DAPK1: variants seen among roughly 807,000 people sequenced by gnomAD.
The protein encoded by DAPK1 is death-associated protein kinase 1.
A neutral mutation model predicts 144.9 loss-of-function variants in DAPK1; 56 were observed. That is an observed-to-expected ratio of 0.39 (90% confidence interval 0.31 to 0.48). DAPK1 has a LOEUF of 0.48. Ranked by LOEUF, DAPK1 falls within the 20% of genes least tolerant of loss-of-function variation. DAPK1 has a pLI of 0.95. For missense variants in DAPK1, 1,454 were observed against 1,875.4 expected (o/e 0.78, Z 4.15); for synonymous variants, 690 against 749.0 (o/e 0.92, Z 1.29).
chr9:87,513,920 G>C lies in DAPK1; in HGVS notation c.62+14781G>C, dbSNP rs184183449. Among the ~76,000 whole-genome samples the C allele has an allele frequency of 9.0e-4, 137 of 152,298 alleles. 1 individual carries two copies. The Middle Eastern group carries it at 0.034, about 38-fold the overall frequency. ...TTTTCTGTTGTGGGGGCTGTCTTGTGCATTGTATTTTAGGATAGGATATTT... is the reference window on the plus strand; with the variant it reads ...TTTTCTGTTGTGGGGGCTGTCTTGTCCATTGTATTTTAGGATAGGATATTT... On this transcript the variant is annotated intron_variant, in intron 2 of 25. Transcript: ENST00000408954.
intron 3 of DAPK1, chr9:87,632,368 A>G: frequency 1.0e-6 from 1 of 984,250 alleles, no homozygotes. Flanking sequence ...ATGAAGGAGG[A>G]TGAGTGCATA....
rs1830244825 is a variant in DAPK1 at position 87,645,757 on chromosome 9, T to G, written c.1012-138T>G. 14 of 1,082,784 alleles carry G rather than the reference T, an allele frequency of 1.3e-5. No individual in the cohort carries two copies. The South Asian group carries it at 2.1e-4, about 16-fold the overall frequency. 67.1% of individuals were successfully genotyped at this position (1,082,784 alleles called of 1,614,324 possible). On this transcript the variant is annotated intron_variant, in intron 11 of 25. Coordinates refer to ENST00000408954, the MANE Select transcript of DAPK1 (RefSeq NM_004938.4). ...ATTCCTTCCTAGGTCCCTCCATGAC[T>G]GTATGGATTTGGGGAGTAAATGGCT...
chr9:87,539,277 G>A (rs1825960051), intron 2 of DAPK1, among the ~76,000 whole-genome samples: 1 of 151,876 alleles, frequency 6.6e-6, no homozygotes, highest in Non-Finnish European at 1.5e-5. Context: ...TTTAAGACAT[G>A]GGTTTTATGT....
chr9:87,623,646 G>A (rs906072563), intron 3 of DAPK1, among the ~76,000 whole-genome samples: 1 of 152,190 alleles, frequency 6.6e-6, no homozygotes. Flanking sequence ...TAGAGGGTGG[G>A]TTGGGAGTGG....
intron 23 of DAPK1, 135 bp downstream of exon 23, chr9:87,698,929 TC>T: frequency 3.3e-6 from 2 of 601,804 alleles, no homozygotes; most frequent in Non-Finnish European, 5.9e-6. Flanking sequence ...CTTGGTCAAC[TC>T]TTTTCTTGTA....
intron 3 of DAPK1, among the ~76,000 whole-genome samples, chr9:87,613,545 C>A (rs1828999283): frequency 1.3e-5 from 2 of 152,188 alleles, no homozygotes; most frequent in African/African-American, 4.8e-5. Context: ...AATACAAATA[C>A]AACTTTGTTT....
At chr9:87,651,834 T>C (rs1350392048) in intron 17 of DAPK1, 110 bp downstream of exon 17, 6 of 807,630 alleles carry the variant, frequency 7.4e-6, no homozygotes, top group Non-Finnish European at 1.2e-5. Context: ...TTCTGTGTCC[T>C]CCCACCTGAT....
intron 20 of DAPK1, among the ~76,000 whole-genome samples, chr9:87,683,572 G>A (rs1337607195): frequency 6.6e-6 from 1 of 152,186 alleles, no homozygotes; most frequent in African/African-American, 2.4e-5. Context: ...AAGTGGGTGT[G>A]CAGATGATGC....
intron 2 of DAPK1, among the ~76,000 whole-genome samples, chr9:87,567,609 C>T (rs1369220387): frequency 1.3e-5 from 2 of 152,144 alleles, no homozygotes; most frequent in African/African-American, 2.4e-5. Flanking sequence ...CATTTGAATT[C>T]AAGAACCTAT....
In DAPK1 at chr9:87,694,021, G is replaced by T. The variant is rs973964999; in HGVS notation, c.2414-2986G>T. On this transcript the variant is annotated intron_variant, in intron 21 of 25. Transcript: ENST00000408954. Reference sequence around the variant, plus strand: ...GTATATGCTGGTACTGATACTAGTGGGTCCAGGTAGGTTGATTCTTGGGCC... The same window carrying T: ...GTATATGCTGGTACTGATACTAGTGTGTCCAGGTAGGTTGATTCTTGGGCC... 3.3e-5 allele frequency among the ~76,000 whole-genome samples: 5 copies of T among 152,222 alleles called. No individual in the cohort carries two copies. In the East Asian group the frequency reaches 9.7e-4, roughly 29 times the overall value.
At chr9:87,635,865 G>A (rs1412134963) in intron 3 of DAPK1, among the ~76,000 whole-genome samples, 1 of 152,186 alleles carries the variant, frequency 6.6e-6, no homozygotes, top group Non-Finnish European at 1.5e-5. Context: ...CGTGGCCACG[G>A]TGCCTGAGTC....
intron 2 of DAPK1, among the ~76,000 whole-genome samples, chr9:87,544,472 G>A (rs892945592): frequency 1.3e-5 from 2 of 152,210 alleles, no homozygotes; most frequent in African/African-American, 4.8e-5. Context: ...GAGTGTGTAT[G>A]TGTGTATGCA....
chr9:87,633,642 T>TCTC (rs2119106431), intron 3 of DAPK1, among the ~76,000 whole-genome samples: 2 of 152,288 alleles, frequency 1.3e-5, no homozygotes, highest in South Asian at 4.1e-4. Flanking sequence ...GTTCCAGGGT[T>TCTC]ATTCATTGTC....
At chr9:87,558,584 C>T (rs4878101) in intron 2 of DAPK1, among the ~76,000 whole-genome samples, 52,053 of 151,924 alleles carry the variant, frequency 0.34, 9,249 homozygotes, top group Middle Eastern at 0.51. Flanking sequence ...TCCCTTTCGA[C>T]GAAAACGAAC....
chr9:87,614,771 C>T (rs953893557), intron 3 of DAPK1, among the ~76,000 whole-genome samples: 2 of 152,204 alleles, frequency 1.3e-5, no homozygotes, highest in South Asian at 2.1e-4. Flanking sequence ...CTGTGGCTGC[C>T]GCCATCCTGG....
At chr9:87,581,925 A>G (rs552892997) in intron 2 of DAPK1, among the ~76,000 whole-genome samples, 1 of 152,368 alleles carries the variant, frequency 6.6e-6, no homozygotes, top group African/African-American at 2.4e-5. Context: ...TAATGTAGTA[A>G]GACATTTTAA....
intron 2 of DAPK1, among the ~76,000 whole-genome samples, chr9:87,561,623 C>T (rs1369152202): frequency 1.3e-5 from 2 of 152,194 alleles, no homozygotes; most frequent in African/African-American, 4.8e-5. Flanking sequence ...TCATTAACTT[C>T]CCATTGAATA....
At chr9:87,668,515 C>A in intron 18 of DAPK1, 82 bp from the exon 19 acceptor site, 1 of 859,894 alleles carries the variant, frequency 1.2e-6, no homozygotes, top group Non-Finnish European at 2.0e-6. Context: ...TTGTTTCTGC[C>A]TCAGACCCAC....
rs751913091 is a variant in DAPK1, at chr9:87,647,278, T to C, written c.1231-27T>C. 145 of 1,593,626 alleles carry C rather than the reference T, an allele frequency of 9.1e-5. No homozygotes were observed. In the East Asian group the frequency reaches 3.2e-3, roughly 35 times the overall value. On this transcript the variant is annotated intron_variant, in intron 13 of 25. Coordinates refer to ENST00000408954, the MANE Select transcript of DAPK1 (RefSeq NM_004938.4). Reference sequence around the variant, plus strand: ...TCTGGTGCTGTCAGCTCCCTAGAAATGTGACCCCAGGTTGATTTTCCTGCA... The same window carrying C: ...TCTGGTGCTGTCAGCTCCCTAGAAACGTGACCCCAGGTTGATTTTCCTGCA...
Sources: allele counts gnomAD v4.1 joint callset (sites outside exome capture counted in the v4.1 genomes callset), GRCh38; gene constraint gnomAD v4.1.1; transcripts MANE v1.5; gene names NCBI Gene and HGNC (gene_info 2026-07-23, HGNC 2026-07-21).